The following MCC variants were observed in gnomAD, a reference collection of about 807,000 sequenced individuals.
MCC encodes the protein MCC regulator of Wnt signaling pathway.
MCC carries 90 observed loss-of-function variants against 116.2 expected under a neutral mutation model. That is an observed-to-expected ratio of 0.77 (90% CI 0.65 to 0.92). The LOEUF (loss-of-function observed/expected upper bound fraction) is 0.92. Among genes scored for constraint, MCC ranks in the 40% least tolerant of loss-of-function variants. The pLI is 0.00. For missense variants in MCC, 1,516 were observed against 1,312.2 expected, an observed-to-expected ratio of 1.16 and a Z score of -2.40; for synonymous variants, 578 against 510.5, an observed-to-expected ratio of 1.13 and a Z score of -1.78.
Position 113,332,147 on chromosome 5 carries a change from A to G in MCC, c.627+8372T>C, listed in dbSNP as rs1328656342. ...AGTTTCTATTTCCAAATACTACCCC[A>G]AATGTAGCCACTTGTAAGTAACTTT... On this transcript the variant is annotated intron_variant, in intron 3 of 18. Transcript: ENST00000408903. Among the ~76,000 whole-genome samples the G allele has an allele frequency of 3.3e-5, 5 of 151,574 alleles. 1 individual carries two copies. The highest frequency in any genetic ancestry group is 1.2e-4 in the African/African-American group (5 of 40,888).
chr5:113,215,479 G>A (rs1385802930), intron 3 of MCC, among the ~76,000 whole-genome samples: 1 of 152,152 alleles, frequency 6.6e-6, no homozygotes, highest in Non-Finnish European at 1.5e-5. Flanking sequence ...TTAAGGGTGG[G>A]GGTTGGTCTT....
intron 14 of MCC, 29 bp downstream of exon 14, chr5:113,063,955 C>T: frequency 6.3e-7 from 1 of 1,590,820 alleles, no homozygotes; most frequent in Non-Finnish European, 8.6e-7. Context: ...GGACACACGC[C>T]CACCCCAGAG....
At chr5:113,429,031 A>G (rs185460661) in intron 1 of MCC, among the ~76,000 whole-genome samples, 8 of 152,338 alleles carry the variant, frequency 5.3e-5, no homozygotes, top group African/African-American at 1.9e-4. Context: ...ATATCTAAGT[A>G]TCCCATTATC....
intron 3 of MCC, among the ~76,000 whole-genome samples, chr5:113,210,795 T>C (rs943321915): frequency 4.2e-4 from 64 of 152,044 alleles, no homozygotes; most frequent in Admixed American, 1.6e-3. Flanking sequence ...TGGCTGTCAG[T>C]TTTAACCTAT....
chr5:113,126,224 G>C (rs1758041232), intron 5 of MCC, among the ~76,000 whole-genome samples: 1 of 152,196 alleles, frequency 6.6e-6, no homozygotes, highest in African/African-American at 2.4e-5. Flanking sequence ...TTCCTCAGGA[G>C]ACAGGCATTA....
intron 2 of MCC, among the ~76,000 whole-genome samples, chr5:113,352,666 G>T (rs1281227770): frequency 1.4e-5 from 2 of 142,548 alleles, no homozygotes; most frequent in Admixed American, 1.4e-4. Context: ...ATCAGCACGG[G>T]GGGCAGTGGG....
rs181682279 is a variant in MCC, at chr5:113,056,171, G to A, written c.2214-2212C>T. On this transcript the variant is annotated intron_variant, in intron 14 of 18. Coordinates refer to ENST00000408903, the MANE Select transcript of MCC (RefSeq NM_001085377.2). Reference sequence around the variant, plus strand: ...CCTAAGAGCAAAGTGCTACCTTTACGTGTGACCCAAGCGTCTTACATACTT... The same window carrying A: ...CCTAAGAGCAAAGTGCTACCTTTACATGTGACCCAAGCGTCTTACATACTT... 7.9e-4 allele frequency among the ~76,000 whole-genome samples: 120 copies of A among 152,204 alleles called. 2 individuals are homozygous for A. Among genetic ancestry groups the A allele is most frequent in the Middle Eastern group, 6.8e-3 (2 of 294 alleles).
chr5:113,306,630 A>T (rs13164326), intron 3 of MCC, among the ~76,000 whole-genome samples: 19,238 of 152,136 alleles, frequency 0.13, 1,345 homozygotes, highest in Non-Finnish European at 0.17. Context: ...GACCTTTAGC[A>T]GATATAAATT....
chr5:113,124,138 GATAT>G (rs1167278981), intron 5 of MCC, among the ~76,000 whole-genome samples: 1 of 152,216 alleles, frequency 6.6e-6, no homozygotes, highest in East Asian at 1.9e-4. Context: ...GCTTTATGTA[GATAT>G]AAAGCCCCAT....
intron 3 of MCC, among the ~76,000 whole-genome samples, chr5:113,278,039 C>T (rs112851317): frequency 0.02 from 3,107 of 152,284 alleles, 35 homozygotes; most frequent in Middle Eastern, 0.027. Context: ...CCCTCAGAAA[C>T]CTGGGTATTA....
intron 3 of MCC, among the ~76,000 whole-genome samples, chr5:113,327,860 T>C (rs1767607510): frequency 6.6e-6 from 1 of 151,544 alleles, no homozygotes; most frequent in African/African-American, 2.4e-5. Context: ...AACATTATTA[T>C]ACCTCAGTGT....
intron 3 of MCC, among the ~76,000 whole-genome samples, chr5:113,223,673 G>T (rs1218445299): frequency 2.0e-5 from 3 of 152,154 alleles, no homozygotes; most frequent in African/African-American, 7.2e-5. Flanking sequence ...AGAAGTCAAA[G>T]TTCCTAGCCT....
At chr5:113,422,347 T>C (rs1359633645) in intron 1 of MCC, among the ~76,000 whole-genome samples, 1 of 152,142 alleles carries the variant, frequency 6.6e-6, no homozygotes, top group Admixed American at 6.5e-5. Context: ...GTAAAATAAA[T>C]AGTAAGTGAT....
At chr5:113,194,676 G>A (rs1257018683) in intron 3 of MCC, among the ~76,000 whole-genome samples, 1 of 151,836 alleles carries the variant, frequency 6.6e-6, no homozygotes, top group Non-Finnish European at 1.5e-5. Context: ...AAAGAAGAAA[G>A]AGGAAGAAAA....
At chr5:113,407,654 G>A (rs1004383588) in intron 1 of MCC, among the ~76,000 whole-genome samples, 1 of 152,072 alleles carries the variant, frequency 6.6e-6, no homozygotes, top group Non-Finnish European at 1.5e-5. Context: ...TTTGCTTTGA[G>A]TCCTGGAATA....
chr5:113,248,396 G>A (rs1290053496), intron 3 of MCC, among the ~76,000 whole-genome samples: 1 of 152,138 alleles, frequency 6.6e-6, no homozygotes, highest in Admixed American at 6.6e-5. Flanking sequence ...CAGGTACTAT[G>A]CTCAGTTTTA....
chr5:113,102,616 CAT>C (rs1447565080), intron 7 of MCC, among the ~76,000 whole-genome samples: 1 of 152,134 alleles, frequency 6.6e-6, no homozygotes, highest in African/African-American at 2.4e-5. Context: ...CTTAGTAGCA[CAT>C]AGTTTTAAAA....
chr5:113,370,986 G>C (rs1284350454), intron 2 of MCC, among the ~76,000 whole-genome samples: 1 of 152,190 alleles, frequency 6.6e-6, no homozygotes, highest in African/African-American at 2.4e-5. Flanking sequence ...GGGAGGCAGA[G>C]GCAGGTGGAT....
chr5:113,159,724 T>C (rs7732695), intron 3 of MCC, among the ~76,000 whole-genome samples: 9,518 of 152,278 alleles, frequency 0.063, 415 homozygotes, highest in East Asian at 0.17. Flanking sequence ...AAAAGGGTAG[T>C]GTTCCCTGCT....
Sources: allele counts gnomAD v4.1 joint callset (sites outside exome capture counted in the v4.1 genomes callset), GRCh38; gene constraint gnomAD v4.1.1; transcripts MANE v1.5; gene names NCBI Gene and HGNC (gene_info 2026-07-23, HGNC 2026-07-21).